PCSK5: variants seen among roughly 807,000 people sequenced by gnomAD.
The protein encoded by PCSK5 is prohormone convertase 5.
In PCSK5, 129 loss-of-function variants were observed where a neutral mutation model predicts 233.2. That is an observed-to-expected ratio of 0.55 (90% confidence interval 0.48 to 0.64). The LOEUF (loss-of-function observed/expected upper bound fraction) is 0.64. PCSK5 is among the 30% of genes least tolerant of loss of function. The pLI is 0.00. For synonymous variants in PCSK5, 825 were observed against 879.2 expected, an observed-to-expected ratio of 0.94 and a Z score of 1.09; for missense variants, 2,076 against 2,430.1, an observed-to-expected ratio of 0.85 and a Z score of 3.06.
Position 76,097,093 on chromosome 9 carries a change from G to A in PCSK5, c.1107+991G>A, listed in dbSNP as rs7043764. On this transcript the variant is annotated intron_variant, in intron 8 of 37. Coordinates refer to ENST00000674117, the MANE Select transcript of PCSK5 (RefSeq NM_001372043.1). ...ACTACAAGCATGTGCCACCATGCCC[G>A]GCTAATTTTTTGTATTTTTAGCAGA... 5.7e-3 allele frequency among the ~76,000 whole-genome samples: 850 copies of A among 149,120 alleles called. 12 individuals are homozygous for A. Among genetic ancestry groups the A allele is most frequent in the African/African-American group, 0.019 (788 of 40,518 alleles).
chr9:76,267,454 C>T (rs887537846), intron 24 of PCSK5, among the ~76,000 whole-genome samples: 1 of 152,122 alleles, frequency 6.6e-6, no homozygotes, highest in South Asian at 2.1e-4. Flanking sequence ...CTGCAAAATC[C>T]CTCTTGTCTT....
At chr9:76,115,462 G>A (rs7045664) in intron 9 of PCSK5, among the ~76,000 whole-genome samples, 45,749 of 151,722 alleles carry the variant, frequency 0.3, 7,086 homozygotes, top group Non-Finnish European at 0.34. Flanking sequence ...GCAGTTACCC[G>A]ATAAGATTGC....
intron 3 of PCSK5, among the ~76,000 whole-genome samples, chr9:76,017,145 A>AAGGACGTTGCATGCTGTTTCCT (rs1206310167): frequency 2.0e-5 from 3 of 152,156 alleles, no homozygotes; most frequent in African/African-American, 7.2e-5. Context: ...AGTGTGCCAA[A>AAGGACGTTGCATGCTGTTTCCT]AGGACGTTGC....
chr9:76,287,223 C>A, intron 24 of PCSK5: 1 of 219,796 alleles, frequency 4.5e-6, no homozygotes, highest in South Asian at 8.1e-5. Flanking sequence ...TCTCATGTCT[C>A]TATCGAAACT....
At chr9:76,000,598 C>T (rs908300587) in intron 3 of PCSK5, among the ~76,000 whole-genome samples, 6 of 152,154 alleles carry the variant, frequency 3.9e-5, no homozygotes, top group Non-Finnish European at 8.8e-5. Context: ...CAAAATTAAT[C>T]CTCAGTTCTT....
At chr9:75,977,704 G>T (rs1826086942) in intron 2 of PCSK5, among the ~76,000 whole-genome samples, 1 of 151,260 alleles carries the variant, frequency 6.6e-6, no homozygotes. Context: ...TCCACCTCCT[G>T]GGTTCAAGCA....
intron 1 of PCSK5, among the ~76,000 whole-genome samples, chr9:75,927,585 G>T (rs35422134): frequency 0.57 from 87,230 of 151,824 alleles, 26,770 homozygotes; most frequent in African/African-American, 0.77. Context: ...GTGCAAGGAG[G>T]CATTAGACTG....
chr9:75,894,893 G>A (rs1825746544), intron 1 of PCSK5, among the ~76,000 whole-genome samples: 1 of 152,218 alleles, frequency 6.6e-6, no homozygotes, highest in Admixed American at 6.5e-5. Context: ...GTTAATTGTG[G>A]ACCTCCATTT....
intron 1 of PCSK5, among the ~76,000 whole-genome samples, chr9:75,907,015 C>T (rs552651462): frequency 1.3e-5 from 2 of 152,260 alleles, no homozygotes; most frequent in South Asian, 2.1e-4. Context: ...TTGTCTATGG[C>T]CATACTATGC....
At chr9:76,027,317 A>C (rs1447291654) in intron 5 of PCSK5, among the ~76,000 whole-genome samples, 2 of 152,046 alleles carry the variant, frequency 1.3e-5, no homozygotes, top group African/African-American at 4.8e-5. Context: ...TTGCCCTGTG[A>C]GCCATTTGTT....
chr9:76,153,471 C>A (rs1309133881), intron 10 of PCSK5, among the ~76,000 whole-genome samples: 1 of 152,210 alleles, frequency 6.6e-6, no homozygotes, highest in African/African-American at 2.4e-5. Flanking sequence ...GCATTTTACA[C>A]AGTGCTTGCA....
In PCSK5 at chr9:75,905,662, A is replaced by T. The variant is rs367560336; in HGVS notation, c.192+14289A>T. ...TGGCCTGTTAGGAACCAGGCTGAACAGCAGGAAGTAAGGGGCAGGTGAGCC... is the reference window on the plus strand; with the variant it reads ...TGGCCTGTTAGGAACCAGGCTGAACTGCAGGAAGTAAGGGGCAGGTGAGCC... On this transcript the variant is annotated intron_variant, in intron 1 of 37. Transcript: ENST00000674117. Among the ~76,000 whole-genome samples the T allele has an allele frequency of 6.6e-5, 10 of 152,362 alleles. No homozygotes were observed. In the East Asian group the frequency reaches 1.9e-3, roughly 29 times the overall value.
At chr9:76,153,234 A>G (rs1288902208) in intron 10 of PCSK5, among the ~76,000 whole-genome samples, 1 of 152,220 alleles carries the variant, frequency 6.6e-6, no homozygotes, top group Non-Finnish European at 1.5e-5. Context: ...AAATAAATTT[A>G]CTTTCTGAAA....
At chr9:76,334,816 G>A (rs978929001) in intron 34 of PCSK5, among the ~76,000 whole-genome samples, 6 of 152,194 alleles carry the variant, frequency 3.9e-5, no homozygotes, top group Non-Finnish European at 8.8e-5. Flanking sequence ...GGTGGCTCAT[G>A]CCTGTAATTC....
chr9:75,982,612 C>T (rs1039363442), intron 2 of PCSK5, among the ~76,000 whole-genome samples: 10 of 152,112 alleles, frequency 6.6e-5, no homozygotes, highest in African/African-American at 2.4e-4. Flanking sequence ...TTTCTCTACC[C>T]CTATCTTTTG....
At chr9:75,950,183 C>G (rs1179298302) in intron 2 of PCSK5, among the ~76,000 whole-genome samples, 1 of 149,332 alleles carries the variant, frequency 6.7e-6, no homozygotes, top group Non-Finnish European at 1.5e-5. Context: ...CAGCTAACCT[C>G]AGAGCTGCCA....
At chr9:76,239,647 G>A (rs1826367380) in intron 23 of PCSK5, among the ~76,000 whole-genome samples, 1 of 141,824 alleles carries the variant, frequency 7.1e-6, no homozygotes, top group African/African-American at 2.7e-5. Context: ...AGTGATCCGA[G>A]ATCACACCAC....
chr9:76,193,538 A>G (rs191163862), intron 20 of PCSK5: 101 of 513,716 alleles, frequency 2.0e-4, no homozygotes, highest in African/African-American at 1.8e-3. Flanking sequence ...CAGAACTTAA[A>G]TGGAAAAAAA....
chr9:76,296,742 G>A lies in PCSK5; in HGVS notation c.3400G>A (p.Ala1134Thr). The change falls in exon 27 of 38, where the codon GCA (alanine) becomes ACA (threonine). Residue 1134 changes from alanine to threonine, a missense_variant. This residue lies in a region of PCSK5 where 1,510 missense variants were observed against 1,538.1 expected (regional missense o/e 0.98). Coordinates refer to ENST00000674117, the MANE Select transcript of PCSK5 (RefSeq NM_001372043.1). ...EMGECESCHR[A>T]CETCTGPGHD... ...GGGAGAATGTGAGTCCTGCCACCGA[G>A]CATGCGAAACCTGCACAGGCCCTGG... 1.2e-6 allele frequency: 2 copies of A among 1,612,414 alleles called. No homozygotes were observed. The highest frequency in any genetic ancestry group is 1.7e-6 in the Non-Finnish European group (2 of 1,179,506).
Sources: gnomAD v4.1 joint callset for allele counts (sites outside exome capture counted in the v4.1 genomes callset) on GRCh38, gnomAD v4.1.1 for gene constraint, gnomAD v4.1.1 regional missense constraint, MANE v1.5 for transcripts, NCBI Gene and HGNC (gene_info 2026-07-23, HGNC 2026-07-21) for gene names.